The following STARD9 variants were observed in gnomAD, a reference collection of about 807,000 sequenced individuals.
STARD9 encodes the protein StAR related lipid transfer domain containing 9, also known as stAR-related lipid transfer protein 9.
Under a neutral mutation model 399.8 loss-of-function variants are expected in STARD9, and 346 were observed. That is an observed-to-expected ratio of 0.87 (90% CI 0.79 to 0.95). STARD9 has a LOEUF of 0.95. STARD9 is among the 40% of genes least tolerant of loss of function. The probability of loss-of-function intolerance (pLI) is 0.00; values close to 1 mark genes in which losing one functional copy is unlikely to be tolerated. For missense variants in STARD9, 5,832 were observed against 5,667.5 expected, an observed-to-expected ratio of 1.03 and a Z score of -0.93; for synonymous variants, 2,203 against 2,143.5, an observed-to-expected ratio of 1.03 and a Z score of -0.77.
In STARD9 at chr15:42,691,494, C is replaced by G. The variant is rs774524630; in HGVS notation, c.9916C>G (p.Leu3306Val). The change falls in exon 23 of 33, where the codon CTT (leucine) becomes GTT (valine). Residue 3306 changes from leucine to valine, a missense_variant. Coordinates refer to ENST00000290607, the MANE Select transcript of STARD9 (RefSeq NM_020759.3). ...EQPAPNHRGS[L>V]PVTTIFSGPK... ...GCCAGCACCCAACCACAGGGGCTCA[C>G]TTCCTGTGACTACAATCTTCTCTGG... 1.9e-5 allele frequency: 29 copies of G among 1,537,134 alleles called. 1 individual carries two copies. The South Asian group carries it at 3.0e-4, about 16-fold the overall frequency.
At chr15:42,581,299 T>G in intron 1 of STARD9, 1 of 1,178,348 alleles carries the variant, frequency 8.5e-7, no homozygotes, top group East Asian at 2.4e-5. Flanking sequence ...ATGGAAGAAC[T>G]GCGAAGATCC....
At chr15:42,671,718 T>G (rs2060205945) in intron 16 of STARD9, 2 of 146,704 alleles carry the variant, frequency 1.4e-5, no homozygotes, top group African/African-American at 2.5e-5. Context: ...AAAAAAGGGG[T>G]GGGGGGTTAC....
chr15:42,706,701 C>T (rs1268442622), intron 26 of STARD9, among the ~76,000 whole-genome samples: 2 of 152,122 alleles, frequency 1.3e-5, no homozygotes, highest in Admixed American at 6.5e-5. Context: ...CCACCCATCT[C>T]GGCCTCCCAA....
intron 20 of STARD9, among the ~76,000 whole-genome samples, chr15:42,676,909 A>G (rs2060322013): frequency 6.6e-6 from 1 of 151,996 alleles, no homozygotes; most frequent in South Asian, 2.1e-4. Flanking sequence ...GATGAAGACA[A>G]TCTTATGTCT....
At chr15:42,609,353 A>T (rs115058341) in intron 3 of STARD9, among the ~76,000 whole-genome samples, 3,284 of 152,104 alleles carry the variant, frequency 0.022, 133 homozygotes, top group African/African-American at 0.076. Context: ...TGTCATGAAC[A>T]CACTTCTGCA....
At chr15:42,625,650 T>TTTTTC (rs1302145477) in intron 3 of STARD9, among the ~76,000 whole-genome samples, 1 of 150,530 alleles carries the variant, frequency 6.6e-6, no homozygotes. Flanking sequence ...TCTTCCTATT[T>TTTTTC]TTTTTTTTTT....
chr15:42,616,355 T>C (rs992441592), intron 3 of STARD9, among the ~76,000 whole-genome samples: 1 of 152,212 alleles, frequency 6.6e-6, no homozygotes, highest in Non-Finnish European at 1.5e-5. Context: ...TCAGAAATAC[T>C]GAAGGGGAGA....
rs1001705236 is a variant in STARD9 at position 42,674,379 on chromosome 15, C to G, written c.1498-61C>G. On this transcript the variant is annotated intron_variant, in intron 16 of 32. Coordinates refer to ENST00000290607, the MANE Select transcript of STARD9 (RefSeq NM_020759.3). Reference sequence around the variant, plus strand: ...GTGAGAATATTCTAATGTGGACTCTCCTGTAGGGCAAGGCTCTGTCCCTTT... The same window carrying G: ...GTGAGAATATTCTAATGTGGACTCTGCTGTAGGGCAAGGCTCTGTCCCTTT... 18 of 1,306,100 alleles carry G rather than the reference C, an allele frequency of 1.4e-5. No individual in the cohort carries two copies. In the African/African-American group the frequency reaches 1.8e-4, roughly 13 times the overall value. 80.9% of individuals were successfully genotyped at this position (1,306,100 alleles called of 1,614,324 possible).
At chr15:42,675,271 T>G (rs561675478) in intron 18 of STARD9, among the ~76,000 whole-genome samples, 1 of 152,360 alleles carries the variant, frequency 6.6e-6, no homozygotes, top group South Asian at 2.1e-4. Context: ...TTGTGAGGAT[T>G]GAATGAACCT....
At chr15:42,617,831 G>C (rs1595646195) in intron 3 of STARD9, among the ~76,000 whole-genome samples, 1 of 152,118 alleles carries the variant, frequency 6.6e-6, no homozygotes, top group South Asian at 2.1e-4. Flanking sequence ...ATAGCCCACT[G>C]CAGCCTCAAC....
Position 42,691,635 on chromosome 15 carries a change from C to T in STARD9, c.10057C>T (p.Gln3353Ter). Residue 3353 changes from glutamine (Q) to a stop codon, truncating the protein, a stop_gained, in exon 23 of 33, where the codon CAG (glutamine) becomes TAG (stop). Transcript: ENST00000290607. LOFTEE classifies it high-confidence loss of function. ...EPPSPTDEDT[Q>*]GPNRLWNPHL... ...TCCTTCCCCTACAGACGAAGATACA[C>T]AGGGGCCTAACAGATTGTGGAACCC... 6.5e-7 allele frequency: 1 copy of T among 1,537,262 alleles called. No individual in the cohort carries two copies.
At chr15:42,719,222 T>C (rs1203543693) in intron 32 of STARD9, among the ~76,000 whole-genome samples, 1 of 152,194 alleles carries the variant, frequency 6.6e-6, no homozygotes, top group East Asian at 1.9e-4. Flanking sequence ...AGCAGCAGCC[T>C]CAGCAGAGCG....
chr15:42,685,672 A>C lies in STARD9; in HGVS notation c.4094A>C (p.Glu1365Ala). Residue 1365 changes from glutamate (E) to alanine (A), a missense_variant, in exon 23 of 33, where the codon GAA (glutamate) becomes GCA (alanine). Around this residue, in one of 2 missense-constraint regions of STARD9, gnomAD observed 5,828 missense variants for 5,651.1 expected, o/e 1.03. Coordinates refer to ENST00000290607, the MANE Select transcript of STARD9 (RefSeq NM_020759.3). ...TTATGTCCAAGTCCTGATATGCAGG[A>C]ATTTCACTCCTGTAAGGGGGAGAGG... ...GSLCPSPDMQEFHSCKGERPG... is the reference protein window; with the variant it reads ...GSLCPSPDMQAFHSCKGERPG... The C allele has an allele frequency of 6.5e-7, 1 of 1,537,300 alleles. No individual in the cohort carries two copies. Among genetic ancestry groups the C allele is most frequent in the Non-Finnish European group, 8.7e-7 (1 of 1,146,944 alleles).
intron 9 of STARD9, among the ~76,000 whole-genome samples, chr15:42,660,266 A>G (rs1266045836): frequency 6.6e-6 from 1 of 152,204 alleles, no homozygotes; most frequent in African/African-American, 2.4e-5. Flanking sequence ...TTGATGATGT[A>G]TGATATTAAC....
chr15:42,620,631 GTC>G (rs1285401556), intron 3 of STARD9, among the ~76,000 whole-genome samples: 1 of 152,106 alleles, frequency 6.6e-6, no homozygotes, highest in East Asian at 1.9e-4. Flanking sequence ...CTTAACTCTA[GTC>G]TAATTCAGTC....
chr15:42,699,972 G>A (rs545543580), intron 26 of STARD9, among the ~76,000 whole-genome samples: 1 of 152,244 alleles, frequency 6.6e-6, no homozygotes, highest in East Asian at 1.9e-4. Context: ...CTCTCAAAGC[G>A]TTGGGGTTAC....
chr15:42,639,991 T>A (rs1240112534), intron 7 of STARD9, among the ~76,000 whole-genome samples: 1 of 152,190 alleles, frequency 6.6e-6, no homozygotes, highest in Non-Finnish European at 1.5e-5. Context: ...GATGCAAACA[T>A]AGCTCACTGC....
intron 3 of STARD9, among the ~76,000 whole-genome samples, chr15:42,614,836 G>A (rs939136917): frequency 6.6e-6 from 1 of 151,862 alleles, no homozygotes; most frequent in African/African-American, 2.4e-5. Context: ...ATGGTGGTGG[G>A]CACCTGTAAT....
chr15:42,667,307 C>T, intron 15 of STARD9, among the ~76,000 whole-genome samples: 1 of 151,990 alleles, frequency 6.6e-6, no homozygotes, highest in East Asian at 1.9e-4. Context: ...GCCTCAGCCT[C>T]CTAAGTAGCT....
Sources: gnomAD v4.1 joint callset for allele counts (sites outside exome capture counted in the v4.1 genomes callset) on GRCh38, gnomAD v4.1.1 for gene constraint, gnomAD v4.1.1 regional missense constraint, MANE v1.5 for transcripts, NCBI Gene and HGNC (gene_info 2026-07-23, HGNC 2026-07-21) for gene names.